SYBU: variants seen among roughly 807,000 people sequenced by gnomAD.
The protein encoded by SYBU is GOLSYN A protein.
Under a neutral mutation model 35.9 loss-of-function variants are expected in SYBU, and 21 were observed. The ratio of observed to expected loss-of-function variants is 0.58; its 90% CI spans 0.41 to 0.84. The LOEUF (loss-of-function observed/expected upper bound fraction) is 0.84. SYBU is among the 40% of genes least tolerant of loss of function. The pLI is 0.00. For synonymous variants in SYBU, 319 were observed against 324.3 expected (o/e 0.98, Z 0.18); for missense variants, 768 against 848.2 (o/e 0.91, Z 1.17).
At chr8:109,654,289 T>C (rs1472426323) in intron 1 of SYBU, among the ~76,000 whole-genome samples, 2 of 152,202 alleles carry the variant, frequency 1.3e-5, no homozygotes, top group Non-Finnish European at 2.9e-5. Flanking sequence ...TACTCACAGC[T>C]CTACCAAATA....
intron 3 of SYBU, among the ~76,000 whole-genome samples, chr8:109,595,104 C>T (rs1400514154): frequency 6.6e-6 from 1 of 152,098 alleles, no homozygotes; most frequent in Non-Finnish European, 1.5e-5. Flanking sequence ...TTTTACTTTT[C>T]TTCTTATGAT....
intron 1 of SYBU, among the ~76,000 whole-genome samples, chr8:109,677,031 T>C (rs1401464703): frequency 6.6e-6 from 1 of 150,700 alleles, no homozygotes; most frequent in Non-Finnish European, 1.5e-5. Flanking sequence ...TTTCAGGGTG[T>C]TCATGTGTGT....
Position 109,575,405 on chromosome 8 carries a change from G to T in SYBU, c.1493C>A (p.Ala498Asp). The T allele has an allele frequency of 6.2e-7, 1 of 1,614,072 alleles. No individual in the cohort carries two copies. Among genetic ancestry groups the T allele is most frequent in the Non-Finnish European group, 8.5e-7 (1 of 1,180,018 alleles). The change falls in exon 7 of 7, where the codon GCC becomes GAC. Residue 498 changes from alanine to aspartate, a missense_variant. By Grantham distance (126) the Ala-to-Asp change is moderately radical (BLOSUM62 -2). Transcript: ENST00000276646. The stretch of plus-strand genomic sequence containing the variant: ...CACACTCTGAATGAGCTCTGAGATG[G>T]CTGGGCTGTAGGGCACCACGTCGGT... ...VQTDVVPYSP[A>D]ISELIQSVLQ...
chr8:109,664,666 G>A (rs1428040643), intron 1 of SYBU, among the ~76,000 whole-genome samples: 1 of 152,152 alleles, frequency 6.6e-6, no homozygotes, highest in African/African-American at 2.4e-5. Flanking sequence ...AAACCATTCT[G>A]AAGAAGGAAA....
chr8:109,656,673 A>C (rs1467138429), intron 1 of SYBU, among the ~76,000 whole-genome samples: 3 of 152,134 alleles, frequency 2.0e-5, no homozygotes, highest in African/African-American at 7.2e-5. Context: ...AAGTGATGTT[A>C]TTTATTCAAC....
intron 1 of SYBU, among the ~76,000 whole-genome samples, chr8:109,689,832 GAA>G (rs544879954): frequency 0.16 from 16,414 of 102,552 alleles, 1,051 homozygotes; most frequent in Admixed American, 0.27. Context: ...ACTACAATAT[GAA>G]AAAAAAAAAA....
intron 3 of SYBU, among the ~76,000 whole-genome samples, chr8:109,591,363 A>C (rs1039002266): frequency 2.0e-5 from 3 of 152,186 alleles, no homozygotes; most frequent in African/African-American, 7.2e-5. Flanking sequence ...AAGTGTGGAT[A>C]TAAAGAGACT....
At chr8:109,603,453 A>G (rs1825756216) in intron 3 of SYBU, 1 of 979,130 alleles carries the variant, frequency 1.0e-6, no homozygotes, top group Middle Eastern at 5.3e-4. Context: ...GACATCTGGC[A>G]CAAAGCACAT....
At chr8:109,634,623 A>T (rs899072963) in intron 2 of SYBU, among the ~76,000 whole-genome samples, 4 of 152,180 alleles carry the variant, frequency 2.6e-5, no homozygotes, top group African/African-American at 9.7e-5. Context: ...AGTCTTGGGG[A>T]ATCAGGTAAC....
intron 3 of SYBU, chr8:109,607,987 T>C (rs1455085462): frequency 1.3e-6 from 2 of 1,533,318 alleles, no homozygotes; most frequent in East Asian, 2.4e-5. Flanking sequence ...CTGGGGTATG[T>C]CTTTTGCAGA....
In SYBU at chr8:109,691,572, C is replaced by T. The variant is rs894338049; in HGVS notation, c.-297G>A. 1.8e-4 allele frequency: 81 copies of T among 439,782 alleles called. No individual in the cohort carries two copies. Among genetic ancestry groups the T allele is most frequent in the African/African-American group, 1.1e-3 (52 of 48,204 alleles). The allele number at this position is 439,782 out of a possible 1,614,324, so 27.2% of individuals were successfully genotyped here. On this transcript the variant is annotated 5_prime_UTR_variant, in exon 1 of 8. Transcript: ENST00000422135. This position sits in a 1 kb window ranked among gnomAD's most constrained non-coding sequence, Gnocchi z 4.7. ...GCCCTCGGCCCCTCGGCCTCTGCAG[C>T]CAGCCGGGCGGCTGCTGGGGCTGAG...
intron 5 of SYBU, 86 bp from the exon 6 acceptor site, chr8:109,578,103 A>C (rs1822568027): frequency 7.2e-6 from 10 of 1,393,396 alleles, no homozygotes. Flanking sequence ...TATCAACTGA[A>C]TGTCTGTGTC....
At position 109,644,766 on chromosome 8, in the gene SYBU, C is replaced by T; in HGVS notation, c.-107G>A. On this transcript the variant is annotated 5_prime_UTR_variant, in exon 1 of 7. Coordinates refer to ENST00000276646, the MANE Select transcript of SYBU (RefSeq NM_001099754.2). Reference sequence around the variant, plus strand: ...GCGCTGAGCCGGCGCGGGCTGCGGGCGGCGGCTCTTGGTGAGGCTCCAACG... The same window carrying T: ...GCGCTGAGCCGGCGCGGGCTGCGGGTGGCGGCTCTTGGTGAGGCTCCAACG... 8.6e-7 allele frequency: 1 copy of T among 1,165,550 alleles called. No individual in the cohort carries two copies. The allele number at this position is 1,165,550 out of a possible 1,614,324, so 72.2% of individuals were successfully genotyped here.
At chr8:109,666,176 G>A (rs1816744747) in intron 1 of SYBU, among the ~76,000 whole-genome samples, 1 of 152,144 alleles carries the variant, frequency 6.6e-6, no homozygotes, top group Non-Finnish European at 1.5e-5. Flanking sequence ...CTTGACCAAC[G>A]TGGATGTGGA....
Position 109,678,501 on chromosome 8 carries a change from C to T in SYBU, c.-129+2210G>A, listed in dbSNP as rs147985046. 8.6e-3 allele frequency among the ~76,000 whole-genome samples: 1,128 copies of T among 131,322 alleles called. 14 individuals carry two copies. Among genetic ancestry groups the T allele is most frequent in the African/African-American group, 0.032 (1,076 of 34,010 alleles). The allele number at this position is 131,322 out of a possible 152,430, so 86.2% of individuals were successfully genotyped here. A position where few individuals can be genotyped will look rare whatever the true frequency, so the allele number is the denominator to read the frequency against. ...TGTAGCCCAAGCTGGAATGCAGTGG[C>T]GTGATCTCTGCTCACTGCAACCTTC... On this transcript the variant is annotated intron_variant, in intron 1 of 5. Transcript: ENST00000408889.
At chr8:109,614,908 A>G (rs1444728890) in intron 3 of SYBU, among the ~76,000 whole-genome samples, 1 of 152,244 alleles carries the variant, frequency 6.6e-6, no homozygotes, top group Non-Finnish European at 1.5e-5. Context: ...TGGAAACAGG[A>G]AGGGCTTTCC....
upstream of SYBU, chr8:109,644,991 C>G: frequency 4.1e-6 from 2 of 486,906 alleles, no homozygotes; most frequent in South Asian, 4.0e-5. Flanking sequence ...GCACTCCGCG[C>G]CCCCCCAGCC....
At chr8:109,690,863 A>C (rs1382195020) in intron 1 of SYBU, among the ~76,000 whole-genome samples, 1 of 152,138 alleles carries the variant, frequency 6.6e-6, no homozygotes, top group Admixed American at 6.5e-5. Context: ...AAACTTGAAA[A>C]GTGTCCTCTG....
chr8:109,630,443 A>G (rs900639424), intron 2 of SYBU, among the ~76,000 whole-genome samples: 2 of 152,178 alleles, frequency 1.3e-5, no homozygotes, highest in Non-Finnish European at 2.9e-5. Flanking sequence ...AAAAAGAATG[A>G]AAGGATAGAA....
Sources: allele counts gnomAD v4.1 joint callset (sites outside exome capture counted in the v4.1 genomes callset), GRCh38; gene constraint gnomAD v4.1.1; non-coding constraint Gnocchi (gnomAD v3.1); transcripts MANE v1.5; gene names NCBI Gene and HGNC (gene_info 2026-07-23, HGNC 2026-07-21).